LEKR1: variants seen among roughly 807,000 people sequenced by gnomAD.
LEKR1 encodes protein LEKR1.
In LEKR1, 59 loss-of-function variants were observed where a neutral mutation model predicts 72.4. The ratio of observed to expected loss-of-function variants is 0.82; its 90% confidence interval spans 0.66 to 1.01. The LOEUF is 1.01. LEKR1 is among the 50% of genes least tolerant of loss of function. The pLI, the probability that LEKR1 is intolerant of heterozygous loss-of-function variation, is 0.00. For missense variants in LEKR1, 728 were observed against 759.2 expected (o/e 0.96, Z 0.48); for synonymous variants, 257 against 263.2 (o/e 0.98, Z 0.23).
intron 3 of LEKR1, among the ~76,000 whole-genome samples, chr3:156,890,977 A>G (rs1243188225): frequency 6.7e-6 from 1 of 149,358 alleles, no homozygotes; most frequent in South Asian, 2.1e-4. Context: ...CTCCTGCCTC[A>G]GCCTCCCGAG....
intron 10 of LEKR1, among the ~76,000 whole-genome samples, 187 bp downstream of exon 10, chr3:157,011,693 A>G (rs1732899087): frequency 6.6e-6 from 1 of 152,160 alleles, no homozygotes; most frequent in African/African-American, 2.4e-5. Context: ...AACATAATGG[A>G]AAATAAAAAA....
chr3:156,967,696 ACT>A (rs1008039343), intron 6 of LEKR1, among the ~76,000 whole-genome samples: 25 of 152,222 alleles, frequency 1.6e-4, no homozygotes, highest in Non-Finnish European at 3.2e-4. Context: ...GTTGGAAAAC[ACT>A]CTGCAGGATA....
chr3:157,001,615 C>A (rs1157065677), intron 9 of LEKR1, among the ~76,000 whole-genome samples: 1 of 152,086 alleles, frequency 6.6e-6, no homozygotes, highest in African/African-American at 2.4e-5. Flanking sequence ...ATTGTGGCAA[C>A]TCCAAAAATT....
intron 3 of LEKR1, among the ~76,000 whole-genome samples, chr3:156,907,200 T>G (rs1722610833): frequency 6.6e-6 from 1 of 152,104 alleles, no homozygotes; most frequent in African/African-American, 2.4e-5. Flanking sequence ...CAATCCTGAT[T>G]CTCTCTGTAG....
At chr3:156,836,239 A>G (rs915022124) in intron 2 of LEKR1, among the ~76,000 whole-genome samples, 4 of 152,132 alleles carry the variant, frequency 2.6e-5, no homozygotes, top group African/African-American at 9.7e-5. Flanking sequence ...AAAACAGAGC[A>G]GAGTCATAAA....
intron 3 of LEKR1, among the ~76,000 whole-genome samples, chr3:156,859,715 A>C (rs1716531886): frequency 6.6e-6 from 1 of 152,244 alleles, no homozygotes; most frequent in Non-Finnish European, 1.5e-5. Context: ...TCATTAATAC[A>C]GAATAGTTTC....
chr3:157,018,471 T>C (rs1164944707), intron 10 of LEKR1, among the ~76,000 whole-genome samples: 1 of 152,194 alleles, frequency 6.6e-6, no homozygotes, highest in South Asian at 2.1e-4. Flanking sequence ...ATCATACAAA[T>C]ATTTTCTCTG....
intron 9 of LEKR1, among the ~76,000 whole-genome samples, chr3:157,006,501 T>G (rs1313767483): frequency 1.3e-5 from 2 of 152,230 alleles, no homozygotes; most frequent in Non-Finnish European, 2.9e-5. Flanking sequence ...TTCATGCCTA[T>G]GTATTTACCC....
At chr3:156,898,867 T>G (rs9870137) in intron 3 of LEKR1, among the ~76,000 whole-genome samples, 2 of 152,194 alleles carry the variant, frequency 1.3e-5, no homozygotes, top group Admixed American at 6.5e-5. Context: ...TTCTTTTATC[T>G]GAAGCAAAAG....
In LEKR1 at chr3:157,011,465, C is replaced by G. The variant is rs772133322; in HGVS notation, c.1162C>G (p.Leu388Val). 1.9e-6 allele frequency: 3 copies of G among 1,613,162 alleles called. No homozygotes were observed. The highest frequency in any genetic ancestry group is 2.5e-6 in the Non-Finnish European group (3 of 1,179,330). The change falls in exon 10 of 13, where the codon CTT becomes GTT. Residue 388 changes from leucine (L) to valine (V), a missense_variant. By Grantham distance (32) the Leu-to-Val change is conservative. Coordinates refer to ENST00000356539, the MANE Select transcript of LEKR1 (RefSeq NM_001004316.3). ...AAGCATCGAGCAGCTGCAAGAAACCCTTAGACAGAAGCTGCTGAGTGATGA... is the reference window on the plus strand; with the variant it reads ...AAGCATCGAGCAGCTGCAAGAAACCGTTAGACAGAAGCTGCTGAGTGATGA... ...QKSIEQLQETLRQKLLSDDNW... is the reference protein window; with the variant it reads ...QKSIEQLQETVRQKLLSDDNW...
intron 3 of LEKR1, among the ~76,000 whole-genome samples, chr3:156,900,519 C>T (rs895167267): frequency 9.2e-5 from 14 of 152,070 alleles, no homozygotes; most frequent in Admixed American, 3.3e-4. Context: ...TTAAAATTAA[C>T]TTGAGATCAC....
In LEKR1 at chr3:157,029,663, G is replaced by A. The variant is rs140510460; in HGVS notation, c.1668+1261G>A. On this transcript the variant is annotated intron_variant, in intron 12 of 12. Transcript: ENST00000356539. ...CTCAGTCCCCCCAATGAAGGAAGCC[G>A]CACCCCTAGTTCAGGCAGGAGTAAG... Among the ~76,000 whole-genome samples the A allele has an allele frequency of 3.6e-3, 549 of 152,166 alleles. 4 individuals carry two copies. Among genetic ancestry groups the A allele is most frequent in the African/African-American group, 0.012 (492 of 41,518 alleles).
chr3:156,993,646 T>C (rs78873851), intron 9 of LEKR1, among the ~76,000 whole-genome samples: 9,118 of 152,266 alleles, frequency 0.06, 933 homozygotes, highest in African/African-American at 0.21. Flanking sequence ...AAGATCTTTT[T>C]ATATCACTTT....
intron 3 of LEKR1, among the ~76,000 whole-genome samples, chr3:156,903,414 G>A (rs974835533): frequency 2.6e-5 from 4 of 151,618 alleles, no homozygotes; most frequent in East Asian, 1.9e-4. Flanking sequence ...TTTAAGGATC[G>A]GTAGAAGCAT....
At chr3:156,844,855 C>T (rs1714382037) in intron 2 of LEKR1, among the ~76,000 whole-genome samples, 1 of 150,234 alleles carries the variant, frequency 6.7e-6, no homozygotes, top group Non-Finnish European at 1.5e-5. Context: ...TTTTCATTTT[C>T]CTGGGATAAA....
chr3:157,039,487 C>T (rs1333277540), intron 12 of LEKR1, among the ~76,000 whole-genome samples: 3 of 152,032 alleles, frequency 2.0e-5, no homozygotes, highest in Non-Finnish European at 4.4e-5. Flanking sequence ...GGCATGGTGG[C>T]ACACGCCTGT....
intron 2 of LEKR1, among the ~76,000 whole-genome samples, chr3:156,846,945 T>C (rs975630616): frequency 3.3e-5 from 5 of 152,138 alleles, no homozygotes; most frequent in Admixed American, 3.3e-4. Flanking sequence ...CCCAAGTAGC[T>C]GGGACTGCAG....
At chr3:156,968,523 C>CA (rs1728843612) in intron 6 of LEKR1, among the ~76,000 whole-genome samples, 1 of 150,766 alleles carries the variant, frequency 6.6e-6, no homozygotes. Flanking sequence ...TCAAAAGAGA[C>CA]AAGGCCATTA....
intron 3 of LEKR1, among the ~76,000 whole-genome samples, chr3:156,870,466 G>A (rs1026086279): frequency 6.6e-6 from 1 of 151,860 alleles, no homozygotes; most frequent in African/African-American, 2.4e-5. Flanking sequence ...AACAGAATTG[G>A]CTTCTTGATT....
Sources: gnomAD v4.1 joint callset for allele counts (sites outside exome capture counted in the v4.1 genomes callset) on GRCh38, gnomAD v4.1.1 for gene constraint, MANE v1.5 for transcripts, NCBI Gene and HGNC (gene_info 2026-07-23, HGNC 2026-07-21) for gene names.